AGMO: variants seen among roughly 807,000 people sequenced by gnomAD.
AGMO encodes alkylglycerol monooxygenase.
In AGMO, 75 loss-of-function variants were observed where a neutral mutation model predicts 60.2. The observed-to-expected ratio is 1.25, with a 90% confidence interval of 1.03 to 1.51. The LOEUF (loss-of-function observed/expected upper bound fraction) is 1.51, where lower values mean the gene tolerates loss of function less well. AGMO is among the 40% of genes most tolerant of loss of function. AGMO has a pLI of 0.00. For synonymous variants in AGMO, 261 were observed against 177.1 expected, an observed-to-expected ratio of 1.47 and a Z score of -3.76; for missense variants, 763 against 525.5, an observed-to-expected ratio of 1.45 and a Z score of -4.42.
At chr7:15,260,304 G>A (rs987793001) in intron 12 of AGMO, among the ~76,000 whole-genome samples, 1 of 151,452 alleles carries the variant, frequency 6.6e-6, no homozygotes, top group African/African-American at 2.4e-5. Flanking sequence ...ATAAACTTAA[G>A]AGAAAGGGGT....
intron 12 of AGMO, among the ~76,000 whole-genome samples, chr7:15,216,888 C>T (rs1313156671): frequency 2.0e-5 from 3 of 147,166 alleles, no homozygotes; most frequent in Non-Finnish European, 4.5e-5. Flanking sequence ...ATGCCCAATC[C>T]CTTTGACAAT....
chr7:15,207,889 G>A (rs973005366), intron 12 of AGMO, among the ~76,000 whole-genome samples: 2 of 152,146 alleles, frequency 1.3e-5, no homozygotes, highest in African/African-American at 4.8e-5. Flanking sequence ...AGCCGAGATG[G>A]TGCCACTGCA....
chr7:15,376,594 T>A (rs1229501065), intron 10 of AGMO, among the ~76,000 whole-genome samples: 1 of 152,144 alleles, frequency 6.6e-6, no homozygotes, highest in Non-Finnish European at 1.5e-5. Context: ...CTGCAGTAAC[T>A]TTATTACATA....
intron 12 of AGMO, among the ~76,000 whole-genome samples, chr7:15,238,955 C>T (rs1782507836): frequency 6.6e-6 from 1 of 152,110 alleles, no homozygotes; most frequent in South Asian, 2.1e-4. Flanking sequence ...CTTTTTATTG[C>T]ACATAATGAC....
the AGMO span, among the ~76,000 whole-genome samples, chr7:15,120,878 A>C: frequency 1.3e-5 from 2 of 152,008 alleles, no homozygotes; most frequent in African/African-American, 2.4e-5. Flanking sequence ...ACAAGTATAC[A>C]CGTGCCACAG....
At chr7:15,230,162 A>C (rs1338888582) in intron 12 of AGMO, among the ~76,000 whole-genome samples, 2 of 152,280 alleles carry the variant, frequency 1.3e-5, no homozygotes, top group East Asian at 3.9e-4. Context: ...GAGGAAAATA[A>C]GAAGAAACAG....
chr7:15,385,332 T>C, intron 10 of AGMO, 114 bp downstream of exon 10: 1 of 675,354 alleles, frequency 1.5e-6, no homozygotes, highest in Non-Finnish European at 2.5e-6. Context: ...TTGCCAAAAT[T>C]ACAGCAGACC....
intron 12 of AGMO, among the ~76,000 whole-genome samples, chr7:15,247,689 A>C: frequency 6.6e-6 from 1 of 152,196 alleles, no homozygotes; most frequent in Admixed American, 6.5e-5. Context: ...ATAACAAAAT[A>C]TTTTCCCAAC....
the AGMO span, among the ~76,000 whole-genome samples, chr7:15,122,575 C>G: frequency 1.3e-5 from 2 of 152,078 alleles, no homozygotes; most frequent in African/African-American, 4.8e-5. Context: ...TCTCCCTAAC[C>G]TGCTCCTCCA....
At chr7:15,334,198 T>C (rs978107993) in intron 12 of AGMO, among the ~76,000 whole-genome samples, 2 of 151,914 alleles carry the variant, frequency 1.3e-5, no homozygotes, top group African/African-American at 4.8e-5. Flanking sequence ...AAAGCAAATT[T>C]GAAATGCTAA....
At chr7:15,439,313 CT>C (rs1461335956) in intron 3 of AGMO, among the ~76,000 whole-genome samples, 1 of 152,146 alleles carries the variant, frequency 6.6e-6, no homozygotes, top group Non-Finnish European at 1.5e-5. Context: ...AGGATAATCG[CT>C]TGGACTCAGG....
chr7:15,250,949 A>AT (rs1474281135), intron 12 of AGMO, among the ~76,000 whole-genome samples: 1 of 150,160 alleles, frequency 6.7e-6, no homozygotes, highest in African/African-American at 2.5e-5. Flanking sequence ...CCATCTCAAA[A>AT]AAAAAAATAT....
chr7:15,520,065 A>G (rs1023937966), intron 3 of AGMO, among the ~76,000 whole-genome samples: 1 of 152,106 alleles, frequency 6.6e-6, no homozygotes, highest in East Asian at 1.9e-4. Context: ...CTGATAAAAC[A>G]TATTTTACAC....
chr7:15,388,219 AT>A (rs1784003048), intron 8 of AGMO, among the ~76,000 whole-genome samples: 1 of 152,254 alleles, frequency 6.6e-6, no homozygotes, highest in South Asian at 2.1e-4. Context: ...ATCTGAAGCA[AT>A]TCAGAAATAA....
the AGMO span, among the ~76,000 whole-genome samples, chr7:15,155,099 A>G: frequency 2.6e-5 from 4 of 152,082 alleles, no homozygotes; most frequent in Admixed American, 1.3e-4. Context: ...ATTGTATTGC[A>G]TATTGAAAAG....
chr7:15,343,664 T>A (rs1286175386), intron 12 of AGMO, among the ~76,000 whole-genome samples: 3 of 152,162 alleles, frequency 2.0e-5, no homozygotes, highest in East Asian at 1.9e-4. Flanking sequence ...CGCTGTTTTA[T>A]CTGTATATTC....
rs142034204 is a variant in AGMO, at chr7:15,394,152, G to C, written c.637C>G (p.Leu213Val). The change falls in exon 6 of 13, where the codon CTG (leucine) becomes GTG (valine). Residue 213 changes from leucine to valine, a missense_variant. Transcript: ENST00000342526. ...TGATGGCTAGGAGTATTAAGAATCA[G>C]TTCCAAAGGACCAAGGTTATTGATG... ...EVINNLGPLE[L>V]ILNTPSHHRV... 662 of 1,611,910 alleles carry C rather than the reference G, an allele frequency of 4.1e-4. No homozygotes were observed. Among genetic ancestry groups the C allele is most frequent in the Non-Finnish European group, 5.3e-4 (621 of 1,178,402 alleles).
rs372725083 is a variant in AGMO, at chr7:15,226,470, T to A, written c.1264-25111A>T. On this transcript the variant is annotated intron_variant, in intron 12 of 12. Transcript: ENST00000342526. ...GAGAAAATAGTAGATACAAAATCAG[T>A]TACAACAGAATTTTCTATGGACCCC... Among the ~76,000 whole-genome samples, 7 of 152,148 alleles carry A rather than the reference T, an allele frequency of 4.6e-5. No homozygotes were observed. The East Asian group carries it at 7.7e-4, about 17-fold the overall frequency.
At chr7:15,232,801 G>GCACGCACACACACA (rs1554398736) in intron 12 of AGMO, among the ~76,000 whole-genome samples, 1 of 147,022 alleles carries the variant, frequency 6.8e-6, no homozygotes, top group African/African-American at 2.5e-5. Flanking sequence ...ACACACACAC[G>GCACGCACACACACA]CACACACACA....
Sources: allele counts gnomAD v4.1 joint callset (sites outside exome capture counted in the v4.1 genomes callset), GRCh38; gene constraint gnomAD v4.1.1; transcripts MANE v1.5; gene names NCBI Gene and HGNC (gene_info 2026-07-23, HGNC 2026-07-21).